The following PCNX2 variants were observed in gnomAD, a reference collection of about 807,000 sequenced individuals.
PCNX2 encodes pecanex-like protein 2.
In PCNX2, 168 loss-of-function variants were observed where a neutral mutation model predicts 223.8. That is an observed-to-expected ratio of 0.75 (90% confidence interval 0.66 to 0.85). The LOEUF (loss-of-function observed/expected upper bound fraction) is 0.85, where lower values mean the gene tolerates loss of function less well. Ranked by LOEUF, PCNX2 falls within the 40% of genes least tolerant of loss-of-function variation. The pLI, the probability that PCNX2 is intolerant of heterozygous loss-of-function variation, is 0.00. For missense variants in PCNX2, 2,507 were observed against 2,675.5 expected (o/e 0.94, Z 1.39); for synonymous variants, 1,006 against 1,052.6 (o/e 0.96, Z 0.86).
At chr1:233,278,034 A>G (rs1023689123) in intron 1 of PCNX2, among the ~76,000 whole-genome samples, 2 of 152,142 alleles carry the variant, frequency 1.3e-5, no homozygotes, top group African/African-American at 4.8e-5. Context: ...TGTGTTAAGC[A>G]CTCTGATGTC....
chr1:233,103,265 C>T (rs956773445), intron 21 of PCNX2, among the ~76,000 whole-genome samples: 1 of 152,076 alleles, frequency 6.6e-6, no homozygotes, highest in African/African-American at 2.4e-5. Flanking sequence ...AGCATTTATC[C>T]TTTGTGTTAT....
intron 21 of PCNX2, among the ~76,000 whole-genome samples, chr1:233,122,852 G>A (rs898662659): frequency 6.6e-6 from 1 of 152,118 alleles, no homozygotes; most frequent in Non-Finnish European, 1.5e-5. Flanking sequence ...TGATGAGAAT[G>A]ATACTTGACC....
At chr1:233,012,877 G>T (rs1247612167) in intron 28 of PCNX2, among the ~76,000 whole-genome samples, 1 of 152,222 alleles carries the variant, frequency 6.6e-6, no homozygotes, top group Non-Finnish European at 1.5e-5. Context: ...CTTCCCAGGT[G>T]CTACGAATAT....
intron 17 of PCNX2, among the ~76,000 whole-genome samples, chr1:233,175,799 T>A (rs1679445098): frequency 6.6e-6 from 1 of 152,226 alleles, no homozygotes; most frequent in African/African-American, 2.4e-5. Context: ...ACTATGCCCT[T>A]ACTCATATTA....
intron 13 of PCNX2, chr1:233,201,950 T>G (rs1461480924): frequency 1.4e-5 from 3 of 214,296 alleles, no homozygotes; most frequent in Non-Finnish European, 3.0e-5. Flanking sequence ...GAATTGGAAC[T>G]TAATGAAACA....
intron 15 of PCNX2, among the ~76,000 whole-genome samples, chr1:233,185,994 T>C (rs1301184923): frequency 1.3e-5 from 2 of 152,204 alleles, no homozygotes; most frequent in East Asian, 1.9e-4. Context: ...CTGACGAGAA[T>C]GCATAGGGCA....
rs555518393 is a variant in PCNX2 at position 233,108,612 on chromosome 1, G to A, written c.3838-12749C>T. 1.1e-4 allele frequency among the ~76,000 whole-genome samples: 16 copies of A among 152,336 alleles called. No individual in the cohort carries two copies. The South Asian group carries it at 2.9e-3, about 28-fold the overall frequency. On this transcript the variant is annotated intron_variant, in intron 21 of 33. Coordinates refer to ENST00000258229, the MANE Select transcript of PCNX2 (RefSeq NM_014801.4). ...AAGGCAGACATGCACAGGAGCACAC[G>A]GCTCAGCCGGGCCCTTCTGCCAACT...
chr1:233,264,400 A>G (rs1310277340), intron 1 of PCNX2, among the ~76,000 whole-genome samples: 1 of 152,228 alleles, frequency 6.6e-6, no homozygotes, highest in Non-Finnish European at 1.5e-5. Context: ...CTAGGCTTGC[A>G]GACAGCAGGG....
At chr1:233,239,209 G>T (rs375597981) in intron 8 of PCNX2, among the ~76,000 whole-genome samples, 3 of 152,202 alleles carry the variant, frequency 2.0e-5, no homozygotes, top group African/African-American at 7.2e-5. Context: ...AGAAATGTAC[G>T]CTTCTGTGCA....
At chr1:233,089,233 T>C (rs769981603) in intron 23 of PCNX2, among the ~76,000 whole-genome samples, 12 of 152,068 alleles carry the variant, frequency 7.9e-5, no homozygotes, top group Non-Finnish European at 1.6e-4. Context: ...ATAGCACAAG[T>C]ATGGCTAATA....
chr1:232,985,763 G>C lies in PCNX2; in HGVS notation c.6240+329C>G, dbSNP rs1669451292. On this transcript the variant is annotated intron_variant, in intron 33 of 33. Coordinates refer to ENST00000258229, the MANE Select transcript of PCNX2 (RefSeq NM_014801.4). ...AGAATCATGTGAGAAGAGTCCTGCT[G>C]TGTGAATGGGTGGAGGGCATTCTCC... 5.1e-6 allele frequency: 3 copies of C among 584,530 alleles called. No homozygotes were observed. The African/African-American group carries it at 5.6e-5, about 11-fold the overall frequency. The allele number at this position is 584,530 out of a possible 1,614,324, so 36.2% of individuals were successfully genotyped here. A position where few individuals can be genotyped will look rare whatever the true frequency, so the allele number is the denominator to read the frequency against.
intron 17 of PCNX2, among the ~76,000 whole-genome samples, chr1:233,173,259 C>T (rs1449164111): frequency 6.6e-6 from 1 of 152,030 alleles, no homozygotes; most frequent in African/African-American, 2.4e-5. Context: ...CTCCACCTCC[C>T]GGGTTCAAGT....
Position 233,053,766 on chromosome 1 carries a change from G to A in PCNX2, c.4351+502C>T, listed in dbSNP as rs557704016. Among the ~76,000 whole-genome samples, 31 of 152,294 alleles carry A rather than the reference G, an allele frequency of 2.0e-4. No individual in the cohort carries two copies. The South Asian group carries it at 5.8e-3, about 29-fold the overall frequency. ...GCAGACTCAATAACCATAAAGCAAT[G>A]AGGATTCATGAAGTGCCTTCTACAT... is the stretch of plus-strand genomic sequence containing the variant. On this transcript the variant is annotated intron_variant, in intron 25 of 33. Coordinates refer to ENST00000258229, the MANE Select transcript of PCNX2 (RefSeq NM_014801.4).
At chr1:233,304,768 G>A in the PCNX2 span, among the ~76,000 whole-genome samples, 1 of 152,170 alleles carries the variant, frequency 6.6e-6, no homozygotes, top group African/African-American at 2.4e-5. Flanking sequence ...GATTTTAACA[G>A]GGCAAATTCA....
At chr1:233,291,314 T>C (rs1661749456) in intron 1 of PCNX2, among the ~76,000 whole-genome samples, 1 of 152,094 alleles carries the variant, frequency 6.6e-6, no homozygotes, top group South Asian at 2.1e-4. Flanking sequence ...ACACAATTGA[T>C]AAGAGGAAGA....
At chr1:233,309,432 T>C in the PCNX2 span, among the ~76,000 whole-genome samples, 2 of 151,358 alleles carry the variant, frequency 1.3e-5, no homozygotes, top group Non-Finnish European at 2.9e-5. Flanking sequence ...TCTCAGCTAC[T>C]CTGGAGGCTG....
intron 1 of PCNX2, among the ~76,000 whole-genome samples, chr1:233,275,700 C>T (rs936711961): frequency 1.3e-5 from 2 of 152,122 alleles, no homozygotes; most frequent in African/African-American, 4.8e-5. Context: ...CAAAGAGATA[C>T]TTGTACCCCC....
chr1:233,247,891 A>AG (rs201415559), intron 8 of PCNX2, among the ~76,000 whole-genome samples: 14,148 of 150,278 alleles, frequency 0.094, 911 homozygotes, highest in Non-Finnish European at 0.14. Flanking sequence ...AAAAAAAAAA[A>AG]AAAAGTGCTG....
intron 23 of PCNX2, among the ~76,000 whole-genome samples, chr1:233,058,670 T>C (rs545275393): frequency 2.8e-4 from 41 of 144,394 alleles, no homozygotes; most frequent in East Asian, 1.8e-3. Flanking sequence ...CTTTTCTTTT[T>C]TTTTTTTTTT....
Sources: allele counts gnomAD v4.1 joint callset (sites outside exome capture counted in the v4.1 genomes callset), GRCh38; gene constraint gnomAD v4.1.1; transcripts MANE v1.5; gene names NCBI Gene and HGNC (gene_info 2026-07-23, HGNC 2026-07-21).